Variants in MYO18B observed in about 807,000 individuals in gnomAD.
MYO18B encodes myosin XVIIIB.
MYO18B carries 204 observed loss-of-function variants against 273.0 expected under a neutral mutation model. The ratio of observed to expected loss-of-function variants is 0.75; its 90% CI spans 0.67 to 0.84. MYO18B has a LOEUF of 0.84. MYO18B is among the 40% of genes least tolerant of loss of function. The pLI, the probability that MYO18B is intolerant of heterozygous loss-of-function variation, is 0.00. For missense variants in MYO18B, 3,212 were observed against 3,287.6 expected, an observed-to-expected ratio of 0.98 and a Z score of 0.56; for synonymous variants, 1,330 against 1,305.7, an observed-to-expected ratio of 1.02 and a Z score of -0.40.
chr22:25,901,809 T>G (rs1286331456), intron 29 of MYO18B, among the ~76,000 whole-genome samples: 2 of 95,768 alleles, frequency 2.1e-5, no homozygotes, highest in African/African-American at 1.6e-4. Flanking sequence ...TGGGTTGGTT[T>G]TTTTTTTTTT....
chr22:25,873,188 C>T (rs1008460810), intron 22 of MYO18B, among the ~76,000 whole-genome samples: 2 of 152,206 alleles, frequency 1.3e-5, no homozygotes, highest in East Asian at 1.9e-4. Context: ...TTCCCTCATT[C>T]CTGTTCCCTG....
intron 34 of MYO18B, among the ~76,000 whole-genome samples, chr22:25,928,145 A>C (rs969978754): frequency 6.6e-6 from 1 of 152,124 alleles, no homozygotes; most frequent in African/African-American, 2.4e-5. Flanking sequence ...TAGTGCTGGT[A>C]ATGGAGGCTG....
At chr22:26,062,789 C>A in the MYO18B span, among the ~76,000 whole-genome samples, 2 of 152,130 alleles carry the variant, frequency 1.3e-5, no homozygotes, top group African/African-American at 2.4e-5. Flanking sequence ...AGAATGCAAT[C>A]CCCAAGGCCA....
intron 21 of MYO18B, among the ~76,000 whole-genome samples, chr22:25,858,294 G>C (rs2090632633): frequency 6.6e-6 from 1 of 152,192 alleles, no homozygotes; most frequent in Non-Finnish European, 1.5e-5. Flanking sequence ...GTATGGCATA[G>C]CAAAGTGTCT....
At chr22:25,963,030 T>C (rs2092933790) in intron 39 of MYO18B, among the ~76,000 whole-genome samples, 1 of 152,144 alleles carries the variant, frequency 6.6e-6, no homozygotes, top group Non-Finnish European at 1.5e-5. Context: ...CTCCTCCCTC[T>C]TCAACCTGTT....
At chr22:25,943,518 C>G (rs1161949549) in intron 34 of MYO18B, among the ~76,000 whole-genome samples, 1 of 152,052 alleles carries the variant, frequency 6.6e-6, no homozygotes, top group African/African-American at 2.4e-5. Context: ...AGAGATGTGA[C>G]CCGCGTCCAC....
At chr22:26,041,512 A>C in the MYO18B span, among the ~76,000 whole-genome samples, 3 of 152,150 alleles carry the variant, frequency 2.0e-5, no homozygotes, top group East Asian at 1.9e-4. Flanking sequence ...AGCCTAGGCA[A>C]CAGAGTGAGG....
intron 11 of MYO18B, among the ~76,000 whole-genome samples, chr22:25,795,398 G>A (rs2087865705): frequency 6.6e-6 from 1 of 152,164 alleles, no homozygotes; most frequent in Admixed American, 6.5e-5. Flanking sequence ...AAAAGACATT[G>A]GGAGGGGACA....
chr22:26,022,116 T>A (rs997478108), intron 42 of MYO18B, among the ~76,000 whole-genome samples: 1 of 152,008 alleles, frequency 6.6e-6, no homozygotes, highest in African/African-American at 2.4e-5. Context: ...TCCTGCCTCA[T>A]AGTGACTCTG....
the MYO18B span, among the ~76,000 whole-genome samples, chr22:26,062,761 TG>T: frequency 6.6e-6 from 1 of 152,190 alleles, no homozygotes; most frequent in Non-Finnish European, 1.5e-5. Context: ...AGAATCCCCC[TG>T]CTGGCTTTGA....
chr22:25,895,274 G>A lies in MYO18B; in HGVS notation c.4662G>A (p.Glu1554=). 3 of 1,598,276 alleles carry A rather than the reference G, an allele frequency of 1.9e-6. No homozygotes were observed. Among genetic ancestry groups the A allele is most frequent in the Non-Finnish European group, 2.6e-6 (3 of 1,172,464 alleles). ...AGCTGACAGCCAGGAAAGAGCTGGAGCAAAAGGTAAGATGTGGGGATAGTC... is the reference window on the plus strand; with the variant it reads ...AGCTGACAGCCAGGAAAGAGCTGGAACAAAAGGTAAGATGTGGGGATAGTC... The part of the protein sequence containing the change: ...DSELTARKEL[E]QKLGELQSAY... The change falls in exon 28 of 44, where the codon GAG becomes GAA. Residue 1554 remains glutamate (E), a synonymous_variant. Transcript: ENST00000335473.
At chr22:26,045,263 C>T in the MYO18B span, among the ~76,000 whole-genome samples, 1 of 151,988 alleles carries the variant, frequency 6.6e-6, no homozygotes, top group Non-Finnish European at 1.5e-5. Context: ...GATATCCTAG[C>T]CAAGGCCATT....
chr22:26,017,107 C>T (rs1473036045), intron 42 of MYO18B, among the ~76,000 whole-genome samples: 3 of 140,454 alleles, frequency 2.1e-5, no homozygotes, highest in African/African-American at 5.5e-5. Flanking sequence ...CTCACTCACT[C>T]ACTCCCTTCC....
intron 42 of MYO18B, among the ~76,000 whole-genome samples, chr22:26,022,378 G>T (rs1935896896): frequency 6.6e-6 from 1 of 152,052 alleles, no homozygotes. Context: ...GCCTCACTCA[G>T]CAGAACTTGG....
chr22:25,773,709 C>T (rs747637429), intron 7 of MYO18B, among the ~76,000 whole-genome samples: 39 of 152,302 alleles, frequency 2.6e-4, no homozygotes, highest in Non-Finnish European at 4.6e-4. Context: ...GTGATCCGCC[C>T]GCCTCGGCCT....
chr22:25,963,159 T>TCC (rs1555968883), intron 39 of MYO18B, among the ~76,000 whole-genome samples: 2 of 43,776 alleles, frequency 4.6e-5, no homozygotes, highest in Admixed American at 2.5e-4. Context: ...CTCCTCTTTC[T>TCC]CCTCTCTCTC....
chr22:25,786,617 C>T (rs1569017445), intron 11 of MYO18B, among the ~76,000 whole-genome samples: 1 of 152,062 alleles, frequency 6.6e-6, no homozygotes, highest in Non-Finnish European at 1.5e-5. Context: ...TCTCTGTAAC[C>T]CTGAGCTGGG....
intron 34 of MYO18B, among the ~76,000 whole-genome samples, chr22:25,931,968 C>G (rs2092509756): frequency 6.6e-6 from 1 of 151,754 alleles, no homozygotes; most frequent in African/African-American, 2.4e-5. Flanking sequence ...AACTCCTGGG[C>G]TCAAGCGATC....
At chr22:25,804,800 A>G (rs2088389876) in intron 12 of MYO18B, among the ~76,000 whole-genome samples, 1 of 152,218 alleles carries the variant, frequency 6.6e-6, no homozygotes, top group Non-Finnish European at 1.5e-5. Context: ...AGGCTCCTGA[A>G]CTTGCATTAG....
Sources: gnomAD v4.1 joint callset for allele counts (sites outside exome capture counted in the v4.1 genomes callset) on GRCh38, gnomAD v4.1.1 for gene constraint, MANE v1.5 for transcripts, NCBI Gene and HGNC (gene_info 2026-07-23, HGNC 2026-07-21) for gene names.